Variants in ZNF426 observed in about 807,000 individuals in gnomAD.
ZNF426 encodes the protein CTC-543D15.7.
A neutral mutation model predicts 24.0 loss-of-function variants in ZNF426; 23 were observed. The observed-to-expected ratio is 0.96, with a 90% CI of 0.69 to 1.36. The LOEUF is 1.36. Ranked by LOEUF, ZNF426 falls within the 40% of genes most tolerant of loss-of-function variation. The pLI, the probability that ZNF426 is intolerant of heterozygous loss-of-function variation, is 0.00. For missense variants in ZNF426, 646 were observed against 658.4 expected (o/e 0.98, Z 0.21); for synonymous variants, 272 against 224.6 (o/e 1.21, Z -1.89).
rs35638085 is a variant in ZNF426, at chr19:9,535,077, C to CAA, written c.117+109_117+110dup. ...CTGGCAACACAGCGAGACTCCCTCT[C>CAA]AAAAAAAAAAAAAAAAAAAGAAGTC... On this transcript the variant is annotated intron_variant, in intron 4 of 7. Transcript: ENST00000253115. 1,964 of 415,202 alleles carry CAA rather than the reference C, an allele frequency of 4.7e-3. 1 individual carries two copies. Among genetic ancestry groups the CAA allele is most frequent in the South Asian group, 0.011 (436 of 39,334 alleles). 25.7% of individuals were successfully genotyped at this position (415,202 alleles called of 1,614,324 possible).
chr19:9,529,915 G>A (rs1331641840), intron 7 of ZNF426, among the ~76,000 whole-genome samples: 1 of 152,026 alleles, frequency 6.6e-6, no homozygotes, highest in East Asian at 1.9e-4. Flanking sequence ...GAGGTCAGGA[G>A]TTCAAGACCA....
At chr19:9,536,739 AAGGC>A (rs1416046245) in intron 2 of ZNF426, among the ~76,000 whole-genome samples, 1 of 152,206 alleles carries the variant, frequency 6.6e-6, no homozygotes, top group African/African-American at 2.4e-5. Flanking sequence ...TCAGAGAGGC[AAGGC>A]CAAACCACTC....
At chr19:9,532,688 TA>T (rs2144773176) in intron 6 of ZNF426, among the ~76,000 whole-genome samples, 156 bp downstream of exon 6, 1 of 152,260 alleles carries the variant, frequency 6.6e-6, no homozygotes, top group East Asian at 1.9e-4. Context: ...GACTGCTCTG[TA>T]AATAAAAGCG....
At chr19:9,530,754 T>C (rs1394757795) in intron 7 of ZNF426, among the ~76,000 whole-genome samples, 1 of 151,848 alleles carries the variant, frequency 6.6e-6, no homozygotes, top group Non-Finnish European at 1.5e-5. Context: ...CAGAGCAGTA[T>C]CTCGTTTCAA....
intron 7 of ZNF426, 109 bp downstream of exon 7, chr19:9,530,876 T>A (rs1171500729): frequency 4.8e-6 from 4 of 835,306 alleles, no homozygotes; most frequent in Non-Finnish European, 7.9e-6. Context: ...CTCCCTCTCA[T>A]GTGTATGCAA....
chr19:9,536,145 A>G, intron 3 of ZNF426, 63 bp downstream of exon 3: 2 of 1,604,360 alleles, frequency 1.2e-6, no homozygotes, highest in Non-Finnish European at 1.7e-6. Flanking sequence ...CCAAACCACT[A>G]GACCCTATAT....
chr19:9,528,706 GT>G lies in ZNF426; in HGVS notation c.1338del (p.Lys446AsnfsTer116), dbSNP rs777373959. 1.2e-6 allele frequency: 2 copies of G among 1,614,140 alleles called. No homozygotes were observed. The highest frequency in any genetic ancestry group is 1.7e-6 in the Non-Finnish European group (2 of 1,180,020). On this transcript the variant is annotated frameshift_variant, in exon 8 of 8. Transcript: ENST00000253115. LOFTEE classifies it low-confidence loss of function (END_TRUNC). ...NNHMRTHSAQ[K>X]PYTCKECGKA... ...TTCCCACATTCCTTACAGGTGTATG[GT>G]TTCTGGGCACTGTGCGTTCGCATGT...
chr19:9,536,370 T>A lies in ZNF426; in HGVS notation c.-124-14A>T, dbSNP rs907038218. On this transcript the variant is annotated splice_polypyrimidine_tract_variant and intron_variant, in intron 2 of 7. Coordinates refer to ENST00000253115, the MANE Select transcript of ZNF426 (RefSeq NM_024106.3). ...TTATTGGGATTCCTGTTGGTATTAA[T>A]CAATAATCAACAAGCAGTACTTAAT... is the stretch of plus-strand genomic sequence containing the variant. The A allele has an allele frequency of 2.5e-6, 4 of 1,568,918 alleles. No homozygotes were observed. In the African/African-American group the frequency reaches 4.1e-5, roughly 16 times the overall value.
In ZNF426 at chr19:9,528,889, G is replaced by A. The variant is rs778969747; in HGVS notation, c.1156C>T (p.His386Tyr). ...CATACAAAAGGCTTCTCTCCAGTGTGAGTTCTTATATGTTGAATAAGGCGT... is the reference window on the plus strand; with the variant it reads ...CATACAAAAGGCTTCTCTCCAGTGTAAGTTCTTATATGTTGAATAAGGCGT... The part of the protein sequence containing the change: ...SSRLIQHIRT[H>Y]TGEKPFVCVE... The change falls in exon 8 of 8, where the codon CAC becomes TAC. Residue 386 changes from histidine (H) to tyrosine (Y), a missense_variant. Coordinates refer to ENST00000253115, the MANE Select transcript of ZNF426 (RefSeq NM_024106.3). 1.9e-6 allele frequency: 3 copies of A among 1,614,180 alleles called. No homozygotes were observed. In the South Asian group the frequency reaches 3.3e-5, roughly 18 times the overall value.
Position 9,533,765 on chromosome 19 carries a change from T to C in ZNF426, c.244+75A>G, listed in dbSNP as rs749618250. On this transcript the variant is annotated intron_variant, in intron 5 of 7. Coordinates refer to ENST00000253115, the MANE Select transcript of ZNF426 (RefSeq NM_024106.3). ...TTCTCTTTGCATTCAGAGTTGACAT[T>C]GCCAATGCTGCAAAACAGTAAGTAC... The C allele has an allele frequency of 5.0e-6, 8 of 1,590,666 alleles. No homozygotes were observed. In the South Asian group the frequency reaches 5.6e-5, roughly 11 times the overall value.
chr19:9,529,632 C>G lies in ZNF426; in HGVS notation c.413G>C (p.Gly138Ala). The change falls in exon 8 of 8, where the codon GGA becomes GCA. Residue 138 changes from glycine to alanine, a missense_variant. Gly to Ala is a moderately conservative substitution (Grantham distance 60). Coordinates refer to ENST00000253115, the MANE Select transcript of ZNF426 (RefSeq NM_024106.3). ...GQTSIGIQLEGKHNGRELCDC... is the reference protein window; with the variant it reads ...GQTSIGIQLEAKHNGRELCDC... ...ACAGAGTTCCCTTCCATTGTGTTTT[C>G]CTTCCTGTTGAAGGGATGATGATGA... is the stretch of plus-strand genomic sequence containing the variant. 6.3e-7 allele frequency: 1 copy of G among 1,587,398 alleles called. No individual in the cohort carries two copies. The highest frequency in any genetic ancestry group is 8.5e-7 in the Non-Finnish European group (1 of 1,174,006).
At position 9,531,992 on chromosome 19, in the gene ZNF426, AAAAC is replaced by A. The variant is rs1455682171; in HGVS notation, c.325+849_325+852del. Among the ~76,000 whole-genome samples the A allele has an allele frequency of 3.9e-5, 6 of 152,282 alleles. No homozygotes were observed. In the East Asian group the frequency reaches 9.7e-4, roughly 25 times the overall value. ...AGAGCAAGACTCCATCTCAAAAAACAAAACAAACAAACAAAAGCCACAATTAACT... is the reference window on the plus strand; with the variant it reads ...AGAGCAAGACTCCATCTCAAAAAACAAAACAAACAAAAGCCACAATTAACT... On this transcript the variant is annotated intron_variant, in intron 6 of 7. Coordinates refer to ENST00000253115, the MANE Select transcript of ZNF426 (RefSeq NM_024106.3).
Position 9,526,348 on chromosome 19 carries a change from T to C in ZNF426, c.*2032A>G, listed in dbSNP as rs2073791646. ...TCAGACTGGGAATTTAAAACAATTA[T>C]GATTGATATGCCATGGGTTCTACTG... is the stretch of plus-strand genomic sequence containing the variant. On this transcript the variant is annotated 3_prime_UTR_variant, in exon 8 of 8. Coordinates refer to ENST00000253115, the MANE Select transcript of ZNF426 (RefSeq NM_024106.3). The C allele has an allele frequency of 6.6e-6, 1 of 151,970 alleles. No individual in the cohort carries two copies. The highest frequency in any genetic ancestry group is 6.6e-5 in the Admixed American group (1 of 15,230). The allele number at this position is 151,970 out of a possible 1,614,324, so 9.4% of individuals were successfully genotyped here. A position where few individuals can be genotyped will look rare whatever the true frequency, so the allele number is the denominator to read the frequency against.
Position 9,529,317 on chromosome 19 carries a change from A to G in ZNF426, c.728T>C (p.Met243Thr), listed in dbSNP as rs201741803. The G allele has an allele frequency of 1.7e-5, 28 of 1,614,134 alleles. No individual in the cohort carries two copies. The Admixed American group carries it at 4.0e-4, about 23-fold the overall frequency. The change falls in exon 8 of 8, where the codon ATG becomes ACG. Residue 243 changes from methionine to threonine, a missense_variant. Met to Thr is a moderately conservative substitution (Grantham distance 81). Coordinates refer to ENST00000253115, the MANE Select transcript of ZNF426 (RefSeq NM_024106.3). ...FINESYLQAHMRTHNGEKLYE... is the reference protein window; with the variant it reads ...FINESYLQAHTRTHNGEKLYE... Reference sequence around the variant, plus strand: ...GAGTTTTTCTCCATTGTGAGTTCTCATATGTGCCTGAAGGTATGACTCATT... The same window carrying G: ...GAGTTTTTCTCCATTGTGAGTTCTCGTATGTGCCTGAAGGTATGACTCATT...
rs774588233 is a variant in ZNF426 at position 9,529,288 on chromosome 19, C to G, written c.757G>C (p.Glu253Gln). 1 of 1,613,742 alleles carries G rather than the reference C, an allele frequency of 6.2e-7. No individual in the cohort carries two copies. The highest frequency in any genetic ancestry group is 8.5e-7 in the Non-Finnish European group (1 of 1,179,962). The change falls in exon 8 of 8, where the codon GAA (glutamate) becomes CAA (glutamine). Residue 253 changes from glutamate to glutamine, a missense_variant. Physicochemically the swap from Glu to Gln is conservative, Grantham distance 29. Coordinates refer to ENST00000253115, the MANE Select transcript of ZNF426 (RefSeq NM_024106.3). ...MRTHNGEKLYEWRNYGPGFID... is the reference protein window; with the variant it reads ...MRTHNGEKLYQWRNYGPGFID... The stretch of plus-strand genomic sequence containing the variant: ...AAACCTGGCCCATAATTCCTCCATT[C>G]GTAGAGTTTTTCTCCATTGTGAGTT...
rs1187529788 is a variant in ZNF426, at chr19:9,529,448, A to G, written c.597T>C (p.Phe199=). The G allele has an allele frequency of 6.2e-7, 1 of 1,613,998 alleles. No individual in the cohort carries two copies. ...GGCTGAAGATTTTTTCACTCTGATT[A>G]AACTCAGAAAGTTTCTCACCAGTAG... The part of the protein sequence containing the change: ...KTSTGEKLSE[F]NQSEKIFSLT... Residue 199 remains phenylalanine (F), a synonymous_variant, in exon 8 of 8, where the codon TTT becomes TTC. Transcript: ENST00000253115.
chr19:9,528,019 C>A lies in ZNF426; in HGVS notation c.*361G>T. 6.4e-6 allele frequency: 1 copy of A among 155,464 alleles called. No individual in the cohort carries two copies. Among genetic ancestry groups the A allele is most frequent in the African/African-American group, 2.5e-5 (1 of 40,172 alleles). The allele number at this position is 155,464 out of a possible 1,614,324, so 9.6% of individuals were successfully genotyped here. ...TTTTTTTTTTTTTGAGATGGAGTCT[C>A]ACTCCATCGCCCAGGCTGGAGTGCA... On this transcript the variant is annotated 3_prime_UTR_variant, in exon 8 of 8. Coordinates refer to ENST00000253115, the MANE Select transcript of ZNF426 (RefSeq NM_024106.3).
rs373697085 is a variant in ZNF426 at position 9,529,085 on chromosome 19, G to T, written c.960C>A (p.Ser320=). The part of the protein sequence containing the change: ...CKECGKAFNY[S]NSFQIHGRTH... ...TTCTTCCATGTATCTGAAATGAGTT[G>T]GAATAATTGAAGGCTTTCCCACATT... The change falls in exon 8 of 8, where the codon TCC becomes TCA. Residue 320 remains serine, a synonymous_variant. Coordinates refer to ENST00000253115, the MANE Select transcript of ZNF426 (RefSeq NM_024106.3). The T allele has an allele frequency of 6.1e-5, 98 of 1,613,540 alleles. 1 individual carries two copies. The South Asian group carries it at 1.0e-3, about 17-fold the overall frequency.
intron 5 of ZNF426, 37 bp from the exon 6 acceptor site, chr19:9,532,962 T>C: frequency 1.3e-6 from 2 of 1,520,882 alleles, no homozygotes; most frequent in African/African-American, 1.4e-5. Context: ...AAGAGGCTCA[T>C]AAAAAAGATT....
Sources: gnomAD v4.1 joint callset for allele counts (sites outside exome capture counted in the v4.1 genomes callset) on GRCh38, gnomAD v4.1.1 for gene constraint, MANE v1.5 for transcripts, NCBI Gene and HGNC (gene_info 2026-07-23, HGNC 2026-07-21) for gene names.